MCF2L: variants seen among roughly 807,000 people sequenced by gnomAD.
MCF2L encodes guanine nucleotide exchange factor DBS.
A neutral mutation model predicts 153.4 loss-of-function variants in MCF2L; 97 were observed. That is an observed-to-expected ratio of 0.63 (90% CI 0.54 to 0.75). The LOEUF is 0.75. Ranked by LOEUF, MCF2L falls within the 30% of genes least tolerant of loss-of-function variation. The probability of loss-of-function intolerance (pLI) is 0.00; values close to 1 mark genes in which losing one functional copy is unlikely to be tolerated. For synonymous variants in MCF2L, 659 were observed against 632.2 expected (o/e 1.04, Z -0.64); for missense variants, 1,347 against 1,495.2 (o/e 0.90, Z 1.64).
chr13:113,083,471 C>G (rs542548769), intron 17 of MCF2L, among the ~76,000 whole-genome samples: 1 of 152,206 alleles, frequency 6.6e-6, no homozygotes, highest in Admixed American at 6.5e-5. Flanking sequence ...CAGTCCTGCA[C>G]GCAGGGGTCC....
chr13:112,927,471 T>C (rs977623733), intron 2 of MCF2L, among the ~76,000 whole-genome samples: 2 of 152,126 alleles, frequency 1.3e-5, no homozygotes, highest in Non-Finnish European at 2.9e-5. Flanking sequence ...TTTGGATAAA[T>C]GACCGGGTCT....
At chr13:113,082,040 AG>A (rs1444436225) in intron 16 of MCF2L, among the ~76,000 whole-genome samples, 5 of 152,016 alleles carry the variant, frequency 3.3e-5, no homozygotes, top group Admixed American at 3.3e-4. Flanking sequence ...GAGTGTGCAC[AG>A]GTGGTGGTCA....
intron 3 of MCF2L, chr13:113,044,594 G>C: frequency 5.2e-6 from 8 of 1,552,108 alleles, no homozygotes; most frequent in East Asian, 2.4e-5. Context: ...TCACGCAATT[G>C]GCTTGGCTGC....
intron 26 of MCF2L, chr13:113,090,508 G>T (rs1273912647): frequency 1.1e-5 from 11 of 982,374 alleles, no homozygotes; most frequent in Non-Finnish European, 1.3e-5. Context: ...CTGGCTGCGT[G>T]TCTCTGCTCC....
chr13:113,038,039 T>C (rs1269434698), intron 3 of MCF2L, among the ~76,000 whole-genome samples: 1 of 152,198 alleles, frequency 6.6e-6, no homozygotes, highest in Non-Finnish European at 1.5e-5. Flanking sequence ...TATATATCAA[T>C]GATGTACAAT....
At chr13:113,093,989 G>A (rs987911175) in intron 26 of MCF2L, 1 of 152,356 alleles carries the variant, frequency 6.6e-6, no homozygotes, top group African/African-American at 2.4e-5. Flanking sequence ...TCAGCCTTCC[G>A]GTTCGGTGCC....
At chr13:112,910,971 C>T (rs2081224785) in intron 2 of MCF2L, among the ~76,000 whole-genome samples, 1 of 145,496 alleles carries the variant, frequency 6.9e-6, no homozygotes, top group Non-Finnish European at 1.5e-5. Context: ...AAAACGCAGG[C>T]CAGGGGGCCC....
At position 113,017,308 on chromosome 13, in the gene MCF2L, G is replaced by A. The variant is rs565922465; in HGVS notation, c.163+2462G>A. Among the ~76,000 whole-genome samples the A allele has an allele frequency of 2.2e-3, 334 of 152,280 alleles. 1 individual carries two copies. The highest frequency in any genetic ancestry group is 7.6e-3 in the African/African-American group (316 of 41,554). On this transcript the variant is annotated intron_variant, in intron 2 of 29. Coordinates refer to ENST00000535094, the MANE Select transcript of MCF2L (RefSeq NM_001112732.3). ...GGTTCCGTGGGGCTGTGCCCCTTCC[G>A]GAGGCTCCTCCTGCTTTGGGGACGC...
rs555319530 is a variant in MCF2L, at chr13:112,983,185, G to A, written c.79+13727G>A. Among the ~76,000 whole-genome samples the A allele has an allele frequency of 3.3e-5, 5 of 152,252 alleles. No individual in the cohort carries two copies. In the East Asian group the frequency reaches 9.7e-4, roughly 29 times the overall value. On this transcript the variant is annotated intron_variant, in intron 1 of 29. Transcript: ENST00000535094. This position sits in a 1 kb window ranked among gnomAD's most constrained non-coding sequence, Gnocchi z 4.0. ...GTTTGTTGGAGGTGAGGGGGTAGCAGAGCCCCTCACACAGGTCTAGGTTGC... is the reference window on the plus strand; with the variant it reads ...GTTTGTTGGAGGTGAGGGGGTAGCAAAGCCCCTCACACAGGTCTAGGTTGC...
chr13:112,995,542 C>T lies in MCF2L; in HGVS notation c.80-19221C>T, dbSNP rs779962908. On this transcript the variant is annotated intron_variant, in intron 1 of 29. Coordinates refer to ENST00000535094, the MANE Select transcript of MCF2L (RefSeq NM_001112732.3). ...CCCCAGGAGAGCAGAGGGGAGCTGGCGGCCGAGGTGGGGTCGGTGGTGGGG... is the reference window on the plus strand; with the variant it reads ...CCCCAGGAGAGCAGAGGGGAGCTGGTGGCCGAGGTGGGGTCGGTGGTGGGG... Among the ~76,000 whole-genome samples the T allele has an allele frequency of 1.1e-4, 16 of 152,278 alleles. No individual in the cohort carries two copies. The South Asian group carries it at 1.2e-3, about 12-fold the overall frequency.
intron 2 of MCF2L, among the ~76,000 whole-genome samples, chr13:113,020,868 ATGTGTGTATGTGTAGATG>A (rs199723131): frequency 0.17 from 24,903 of 144,870 alleles, 2,119 homozygotes; most frequent in East Asian, 0.2. Flanking sequence ...TAGTGTGTAT[ATGTGTGTATGTGTAGATG>A]TGTGTATGTG....
chr13:113,044,690 C>A, intron 3 of MCF2L: 1 of 1,612,638 alleles, frequency 6.2e-7, no homozygotes, highest in South Asian at 1.1e-5. Flanking sequence ...CGGAGGCTGT[C>A]GTTATACAAC....
intron 1 of MCF2L, among the ~76,000 whole-genome samples, chr13:112,975,864 A>G (rs1192112640): frequency 6.6e-6 from 1 of 152,176 alleles, no homozygotes; most frequent in East Asian, 1.9e-4. Flanking sequence ...ACGGTCGCAG[A>G]GAGCTCGAGC....
At position 112,931,393 on chromosome 13, in the gene MCF2L, A is replaced by G. The variant is rs143697742; in HGVS notation, c.169+29022A>G. On this transcript the variant is annotated intron_variant, in intron 2 of 29. Transcript: ENST00000375608. Reference sequence around the variant, plus strand: ...TGACGCTGCTCTGCCGGAAGCTGAAACTGAGCGATTAGGTGAGCAGCTGTC... The same window carrying G: ...TGACGCTGCTCTGCCGGAAGCTGAAGCTGAGCGATTAGGTGAGCAGCTGTC... 7.3e-3 allele frequency among the ~76,000 whole-genome samples: 1,113 copies of G among 152,320 alleles called. 11 individuals are homozygous for G. Among genetic ancestry groups the G allele is most frequent in the Non-Finnish European group, 0.01 (681 of 68,024 alleles).
upstream of MCF2L, among the ~76,000 whole-genome samples, chr13:112,968,204 C>A (rs1341357906): frequency 6.6e-6 from 1 of 150,494 alleles, no homozygotes; most frequent in Non-Finnish European, 1.5e-5. Context: ...GATCCTCCTG[C>A]TTCTGCCTCA....
intron 1 of MCF2L, among the ~76,000 whole-genome samples, chr13:112,989,433 T>C (rs1265814360): frequency 1.2e-5 from 1 of 85,160 alleles, no homozygotes; most frequent in African/African-American, 4.7e-5. Context: ...GACATGGAGC[T>C]ACCACGCCCG....
chr13:112,945,786 A>G (rs1172819377), intron 2 of MCF2L, among the ~76,000 whole-genome samples: 1 of 152,274 alleles, frequency 6.6e-6, no homozygotes, highest in Non-Finnish European at 1.5e-5. Context: ...TGTGGTTGTC[A>G]AAAGCAATAA....
chr13:112,937,868 G>A (rs540768550), intron 2 of MCF2L, among the ~76,000 whole-genome samples: 69 of 148,502 alleles, frequency 4.6e-4, no homozygotes, highest in African/African-American at 1.6e-3. Context: ...ACTGTGATTG[G>A]TTGGTTCAGG....
intron 27 of MCF2L, chr13:113,096,059 G>A: frequency 4.0e-6 from 2 of 499,824 alleles, no homozygotes; most frequent in Non-Finnish European, 7.1e-6. Flanking sequence ...CTGAAAGCAC[G>A]GAAGGGCCCT....
Sources: allele counts gnomAD v4.1 joint callset (sites outside exome capture counted in the v4.1 genomes callset), GRCh38; gene constraint gnomAD v4.1.1; non-coding constraint Gnocchi (gnomAD v3.1); transcripts MANE v1.5; gene names NCBI Gene and HGNC (gene_info 2026-07-23, HGNC 2026-07-21).